IL16: variants seen among roughly 807,000 people sequenced by gnomAD.
IL16 encodes the protein pro-interleukin-16.
A neutral mutation model predicts 110.1 loss-of-function variants in IL16; 67 were observed. The observed-to-expected ratio is 0.61, with a 90% CI of 0.50 to 0.75. The LOEUF (loss-of-function observed/expected upper bound fraction) is 0.75, where lower values mean the gene tolerates loss of function less well. Ranked by LOEUF, IL16 falls within the 30% of genes least tolerant of loss-of-function variation. The pLI, the probability that IL16 is intolerant of heterozygous loss-of-function variation, is 0.00. For synonymous variants in IL16, 689 were observed against 662.9 expected (o/e 1.04, Z -0.61); for missense variants, 1,545 against 1,655.0 (o/e 0.93, Z 1.15).
rs537929239 is a variant in IL16 at position 81,224,410 on chromosome 15, A to G, written c.-101-889A>G. Among the ~76,000 whole-genome samples, 7 of 152,304 alleles carry G rather than the reference A, an allele frequency of 4.6e-5. No homozygotes were observed. In the East Asian group the frequency reaches 1.4e-3, roughly 29 times the overall value. ...CACCTGCTTCATGGAAACTGAATCC[A>G]TGGGAGGCTCCTCTTGGCAAAGCTG... On this transcript the variant is annotated intron_variant, in intron 1 of 18. Coordinates refer to ENST00000683961, the MANE Select transcript of IL16 (RefSeq NM_172217.5).
chr15:81,296,854 T>A (rs1334381452), intron 12 of IL16, 74 bp from the exon 13 acceptor site: 1 of 1,368,298 alleles, frequency 7.3e-7, no homozygotes, highest in Non-Finnish European at 1.0e-6. Flanking sequence ...TCCGTCCCAA[T>A]CAAAGCGTGT....
At chr15:81,208,203 C>T (rs909286713) in intron 1 of IL16, among the ~76,000 whole-genome samples, 1 of 152,088 alleles carries the variant, frequency 6.6e-6, no homozygotes, top group African/African-American at 2.4e-5. Context: ...ATGTCCTTTG[C>T]CCATTTTTAA....
intron 2 of IL16, among the ~76,000 whole-genome samples, chr15:81,238,690 T>A (rs1342464613): frequency 1.3e-5 from 2 of 152,098 alleles, no homozygotes; most frequent in Non-Finnish European, 2.9e-5. Flanking sequence ...ATCTATTATG[T>A]TTATTTATAT....
chr15:81,308,893 A>G lies in IL16; in HGVS notation c.*95A>G. ...GGGTCTCTGCTGCCGCCCCACCCAG[A>G]TGGGGGAAAGCACAGGTGGGCTTCC... On this transcript the variant is annotated 3_prime_UTR_variant, in exon 19 of 19. Transcript: ENST00000683961. The G allele has an allele frequency of 5.2e-6, 6 of 1,144,296 alleles. No homozygotes were observed. The highest frequency in any genetic ancestry group is 1.6e-5 in the African/African-American group (1 of 63,962). The allele number at this position is 1,144,296 out of a possible 1,614,324, so 70.9% of individuals were successfully genotyped here.
At chr15:81,210,939 T>C (rs1326748317) in intron 1 of IL16, among the ~76,000 whole-genome samples, 1 of 152,222 alleles carries the variant, frequency 6.6e-6, no homozygotes, top group Non-Finnish European at 1.5e-5. Flanking sequence ...AGGGGAATGG[T>C]TCCAGCTTTT....
At chr15:81,197,200 C>T (rs1316206928) in intron 1 of IL16, 48 bp downstream of exon 1, 11 of 1,235,500 alleles carry the variant, frequency 8.9e-6, no homozygotes, top group Admixed American at 5.1e-5. Flanking sequence ...TGGCCGTTAC[C>T]GGAGGGAGGA....
At position 81,203,995 on chromosome 15, in the gene IL16, C is replaced by T. The variant is rs1223253836; in HGVS notation, c.-102+6843C>T. On this transcript the variant is annotated intron_variant, in intron 1 of 18. Coordinates refer to ENST00000683961, the MANE Select transcript of IL16 (RefSeq NM_172217.5). ...CATTTGTTTGTATCCTCTTTTATTTCCTTGAGCAGTGGTTTGTAGTTCTCC... is the reference window on the plus strand; with the variant it reads ...CATTTGTTTGTATCCTCTTTTATTTTCTTGAGCAGTGGTTTGTAGTTCTCC... Among the ~76,000 whole-genome samples the T allele has an allele frequency of 4.6e-5, 7 of 151,382 alleles. No individual in the cohort carries two copies. The East Asian group carries it at 1.4e-3, about 30-fold the overall frequency.
Position 81,313,008 on chromosome 15 carries a change from G to A in IL16, c.*4210G>A, listed in dbSNP as rs1900944388. The stretch of plus-strand genomic sequence containing the variant: ...CTGGGTCTACCCTGCCAGGAGAGGC[G>A]TGTTTGGGTAACAGGCAGATGGAGT... On this transcript the variant is annotated 3_prime_UTR_variant, in exon 19 of 19. Coordinates refer to ENST00000683961, the MANE Select transcript of IL16 (RefSeq NM_172217.5). 4.1e-6 allele frequency: 1 copy of A among 242,816 alleles called. No homozygotes were observed. The allele number at this position is 242,816 out of a possible 1,614,324, so 15.0% of individuals were successfully genotyped here.
rs191730600 is a variant in IL16, at chr15:81,237,300, C to T, written c.312+11589C>T. Among the ~76,000 whole-genome samples, 516 of 152,238 alleles carry T rather than the reference C, an allele frequency of 3.4e-3. 1 individual carries two copies. The highest frequency in any genetic ancestry group is 4.5e-3 in the Non-Finnish European group (303 of 68,010). ...CAAACAATTAAGAAACTTACATATT[C>T]CCATTGAAGAATGGCAACTAGCTGC... On this transcript the variant is annotated intron_variant, in intron 2 of 18. Coordinates refer to ENST00000683961, the MANE Select transcript of IL16 (RefSeq NM_172217.5).
Sources: allele counts gnomAD v4.1 joint callset (sites outside exome capture counted in the v4.1 genomes callset), GRCh38; gene constraint gnomAD v4.1.1; transcripts MANE v1.5; gene names NCBI Gene and HGNC (gene_info 2026-07-23, HGNC 2026-07-21).